The following HIP1 variants were observed in gnomAD, a reference collection of about 807,000 sequenced individuals.
The protein encoded by HIP1 is huntingtin interacting protein 1.
In HIP1, 65 loss-of-function variants were observed where a neutral mutation model predicts 147.6. The ratio of observed to expected loss-of-function variants is 0.44; its 90% CI spans 0.36 to 0.54. The LOEUF (loss-of-function observed/expected upper bound fraction) is 0.54. Among genes scored for constraint, HIP1 ranks in the 20% least tolerant of loss-of-function variants. The probability of loss-of-function intolerance (pLI) is 0.00; values close to 1 mark genes in which losing one functional copy is unlikely to be tolerated. For missense variants in HIP1, 1,061 were observed against 1,299.6 expected (o/e 0.82, Z 2.82); for synonymous variants, 479 against 504.0 (o/e 0.95, Z 0.67).
intron 1 of HIP1, among the ~76,000 whole-genome samples, chr7:75,604,890 C>T (rs1173820832): frequency 6.6e-6 from 1 of 152,098 alleles, no homozygotes; most frequent in Non-Finnish European, 1.5e-5. Context: ...TTTTTAAAAT[C>T]TTTAAAATTC....
chr7:75,709,301 C>T (rs189711799), intron 1 of HIP1, among the ~76,000 whole-genome samples: 66 of 151,830 alleles, frequency 4.3e-4, no homozygotes, highest in African/African-American at 7.2e-4. Flanking sequence ...TCAGTAGAGA[C>T]GAGGTTTCAC....
At chr7:75,637,569 G>T in intron 1 of HIP1, among the ~76,000 whole-genome samples, 1 of 103,178 alleles carries the variant, frequency 9.7e-6, no homozygotes, top group South Asian at 3.2e-4. Context: ...TTTTTGAGAG[G>T]GAGTTCTAAT....
intron 19 of HIP1, among the ~76,000 whole-genome samples, chr7:75,554,917 TAGCCAAGGCCAGGCA>T (rs1292586023): frequency 6.6e-6 from 1 of 151,542 alleles, no homozygotes; most frequent in Non-Finnish European, 1.5e-5. Flanking sequence ...ATTAAAAAAT[TAGCCAAGGCCAGGCA>T]TGGTGGCTCA....
At chr7:75,565,561 G>A (rs782627495) in intron 9 of HIP1, among the ~76,000 whole-genome samples, 5 of 152,184 alleles carry the variant, frequency 3.3e-5, no homozygotes, top group Non-Finnish European at 5.9e-5. Context: ...AGGCAGAGAA[G>A]CTGAAACTTG....
chr7:75,651,159 G>T (rs1798967642), intron 1 of HIP1, among the ~76,000 whole-genome samples: 1 of 151,874 alleles, frequency 6.6e-6, no homozygotes, highest in African/African-American at 2.4e-5. Flanking sequence ...ACGGGGGAGG[G>T]TGAGAGGGTC....
rs144332328 is a variant in HIP1, at chr7:75,553,564, A to G, written c.2184T>C (p.Tyr728=). The G allele has an allele frequency of 5.6e-6, 9 of 1,613,860 alleles. No homozygotes were observed. Among genetic ancestry groups the G allele is most frequent in the Admixed American group, 3.3e-5 (2 of 59,980 alleles). ...ADSLTEACKQ[Y]GRETLAYLAS... ...CCAGGTAGGCGAGGGTTTCCCTGCCATACTGCTTACAGGCCTCGGTCAGTG... is the reference window on the plus strand; with the variant it reads ...CCAGGTAGGCGAGGGTTTCCCTGCCGTACTGCTTACAGGCCTCGGTCAGTG... The change falls in exon 22 of 31, where the codon TAT becomes TAC. Residue 728 remains tyrosine, a synonymous_variant. Coordinates refer to ENST00000336926, the MANE Select transcript of HIP1 (RefSeq NM_005338.7).
intron 1 of HIP1, among the ~76,000 whole-genome samples, chr7:75,705,979 C>T (rs966837980): frequency 6.6e-6 from 1 of 151,948 alleles, no homozygotes; most frequent in Admixed American, 6.6e-5. Flanking sequence ...GCAACCTCGG[C>T]CTCCTGGGTT....
chr7:75,712,611 T>C (rs1437437216), intron 1 of HIP1, among the ~76,000 whole-genome samples: 1 of 152,082 alleles, frequency 6.6e-6, no homozygotes, highest in Non-Finnish European at 1.5e-5. Flanking sequence ...CATTCACTCA[T>C]TCACTCTCAC....
intron 1 of HIP1, among the ~76,000 whole-genome samples, chr7:75,640,686 G>C (rs1274379713): frequency 6.6e-6 from 1 of 151,902 alleles, no homozygotes; most frequent in Non-Finnish European, 1.5e-5. Context: ...CTGGGAGGCA[G>C]AGGTTGCAAT....
chr7:75,644,623 A>C (rs1395196554), intron 1 of HIP1, among the ~76,000 whole-genome samples: 1 of 152,178 alleles, frequency 6.6e-6, no homozygotes, highest in East Asian at 1.9e-4. Flanking sequence ...ATTAAACGTA[A>C]GAAAAAAAAG....
Position 75,559,723 on chromosome 7 carries a change from A to ACC in HIP1, c.1375+7_1375+8dup. ...CCGGGGCCCGCCCCCGCCCCCACCC[A>ACC]CCGCTCACTTTCTATCTCAGACAGG... On this transcript the variant is annotated intron_variant, in intron 14 of 30. Coordinates refer to ENST00000336926, the MANE Select transcript of HIP1 (RefSeq NM_005338.7). The ACC allele has an allele frequency of 4.9e-6, 1 of 205,386 alleles. No individual in the cohort carries two copies. Among genetic ancestry groups the ACC allele is most frequent in the Non-Finnish European group, 8.5e-6 (1 of 118,262 alleles). 12.7% of individuals were successfully genotyped at this position (205,386 alleles called of 1,614,324 possible).
intron 27 of HIP1, among the ~76,000 whole-genome samples, chr7:75,544,439 G>A (rs9768505): frequency 2.1e-5 from 3 of 143,038 alleles, no homozygotes; most frequent in African/African-American, 7.9e-5. Flanking sequence ...ACTATCTAAC[G>A]TAGCCAAGTA....
intron 1 of HIP1, among the ~76,000 whole-genome samples, chr7:75,703,468 A>AC (rs1296174689): frequency 1.3e-5 from 2 of 151,916 alleles, no homozygotes; most frequent in African/African-American, 4.8e-5. Context: ...ACATGGAGAA[A>AC]CCCTATCTCT....
At chr7:75,622,293 G>A (rs1341520783) in intron 1 of HIP1, among the ~76,000 whole-genome samples, 2 of 151,894 alleles carry the variant, frequency 1.3e-5, no homozygotes, top group African/African-American at 4.8e-5. Flanking sequence ...AAAAAGAACA[G>A]GTCTGAGCTA....
At chr7:75,607,590 A>C (rs939565634) in intron 1 of HIP1, among the ~76,000 whole-genome samples, 1 of 150,680 alleles carries the variant, frequency 6.6e-6, no homozygotes, top group African/African-American at 2.4e-5. Context: ...AGTCCCAGGT[A>C]CTTGGGAGGC....
chr7:75,703,279 C>T (rs941309892), intron 1 of HIP1, among the ~76,000 whole-genome samples: 6 of 151,780 alleles, frequency 4.0e-5, no homozygotes, highest in African/African-American at 7.3e-5. Context: ...ACCCAGGAGG[C>T]GGAGGTTGCA....
intron 1 of HIP1, among the ~76,000 whole-genome samples, chr7:75,709,369 T>C (rs999028571): frequency 6.6e-6 from 1 of 152,156 alleles, no homozygotes; most frequent in African/African-American, 2.4e-5. Context: ...CACCTAGGCC[T>C]CCCAAAGTGC....
At chr7:75,601,946 A>AC (rs1196093755) in intron 1 of HIP1, among the ~76,000 whole-genome samples, 1 of 151,894 alleles carries the variant, frequency 6.6e-6, no homozygotes, top group African/African-American at 2.4e-5. Context: ...TAAAAAAAAA[A>AC]ACTTTGACCC....
intron 25 of HIP1, 46 bp downstream of exon 25, chr7:75,546,893 T>A (rs1794585599): frequency 7.3e-7 from 1 of 1,361,540 alleles, no homozygotes; most frequent in African/African-American, 1.4e-5. Context: ...CGGGAGTCTG[T>A]CACCAATGCC....
Sources: allele counts gnomAD v4.1 joint callset (sites outside exome capture counted in the v4.1 genomes callset), GRCh38; gene constraint gnomAD v4.1.1; transcripts MANE v1.5; gene names NCBI Gene and HGNC (gene_info 2026-07-23, HGNC 2026-07-21).